The following LONRF1 variants were observed in gnomAD, a reference collection of about 807,000 sequenced individuals.
LONRF1 encodes the protein LON peptidase N-terminal domain and ring finger 1.
In LONRF1, 37 loss-of-function variants were observed where a neutral mutation model predicts 85.8. That is an observed-to-expected ratio of 0.43 (90% confidence interval 0.33 to 0.57). The LOEUF is 0.57. LONRF1 is among the 20% of genes least tolerant of loss of function. The pLI, the probability that LONRF1 is intolerant of heterozygous loss-of-function variation, is 0.04. For missense variants in LONRF1, 1,036 were observed against 978.0 expected (o/e 1.06, Z -0.79); for synonymous variants, 517 against 390.1 (o/e 1.33, Z -3.83).
At chr8:12,725,649 T>G in intron 11 of LONRF1, 78 bp downstream of exon 11, 358 of 1,414,594 alleles carry the variant, frequency 2.5e-4, no homozygotes, top group Non-Finnish European at 2.8e-4. Flanking sequence ...GAAAGGACAA[T>G]GAGAAAACAA....
At chr8:12,747,889 C>T (rs761450633) in intron 1 of LONRF1, among the ~76,000 whole-genome samples, 2 of 152,072 alleles carry the variant, frequency 1.3e-5, no homozygotes, top group Non-Finnish European at 2.9e-5. Flanking sequence ...GCAGGTCAGT[C>T]TAAAACAAAC....
chr8:12,745,321 GAAAAAAAAA>G (rs36196945), intron 1 of LONRF1, among the ~76,000 whole-genome samples: 3 of 122,334 alleles, frequency 2.5e-5, no homozygotes, highest in East Asian at 4.8e-4. Context: ...TATTTTTTTG[GAAAAAAAAA>G]AAAAAAAAAA....
chr8:12,724,937 T>C (rs1053217527), intron 11 of LONRF1, among the ~76,000 whole-genome samples: 1 of 152,232 alleles, frequency 6.6e-6, no homozygotes, highest in Non-Finnish European at 1.5e-5. Context: ...GCAGTGTGCA[T>C]TACAATGAGA....
intron 1 of LONRF1, among the ~76,000 whole-genome samples, chr8:12,751,222 G>A (rs376582783): frequency 6.6e-6 from 1 of 150,528 alleles, no homozygotes; most frequent in Non-Finnish European, 1.5e-5. Context: ...AATTCTCTGT[G>A]AAGATCAAAT....
At chr8:12,725,958 A>G in intron 10 of LONRF1, 79 bp from the exon 11 acceptor site, 1 of 1,370,914 alleles carries the variant, frequency 7.3e-7, no homozygotes, top group Non-Finnish European at 1.0e-6. Context: ...ACAAATGGAA[A>G]AAGGGATCAG....
At chr8:12,748,154 CT>C (rs1447166229) in intron 1 of LONRF1, among the ~76,000 whole-genome samples, 8 of 152,142 alleles carry the variant, frequency 5.3e-5, no homozygotes, top group Non-Finnish European at 1.2e-4. Flanking sequence ...ACCTGCTTGC[CT>C]TTTTAGTTAT....
At chr8:12,725,941 A>G in intron 10 of LONRF1, 62 bp from the exon 11 acceptor site, 1 of 1,483,440 alleles carries the variant, frequency 6.7e-7, no homozygotes, top group Non-Finnish European at 9.2e-7. Context: ...GCCATATGCC[A>G]ACCGACACAA....
In LONRF1 at chr8:12,728,906, C is replaced by T. The variant is rs547604080; in HGVS notation, c.2005G>A (p.Val669Ile). The T allele has an allele frequency of 3.7e-6, 6 of 1,613,840 alleles. No homozygotes were observed. Among genetic ancestry groups the T allele is most frequent in the Admixed American group, 1.7e-5 (1 of 60,022 alleles). Residue 669 changes from valine (V) to isoleucine (I), a missense_variant, in exon 10 of 12, where the codon GTT becomes ATT. Val to Ile is a conservative substitution (Grantham distance 29). Coordinates refer to ENST00000398246, the MANE Select transcript of LONRF1 (RefSeq NM_152271.5). ...CAAAGCACATTTTAAAATACCTTAA[C>T]ATCTTCCAGATATTCAATGTCGGCA... ...CTADIEYLED[V>I]KVENEDEIKN...
rs760421347 is a variant in LONRF1 at position 12,741,011 on chromosome 8, G to T, written c.841-15C>A. On this transcript the variant is annotated splice_polypyrimidine_tract_variant and intron_variant, in intron 2 of 11. Coordinates refer to ENST00000398246, the MANE Select transcript of LONRF1 (RefSeq NM_152271.5). Reference sequence around the variant, plus strand: ...CTGAAGTAGACCTTTAATAAAAGCAGATATATAAAACCTTTGTGTTAAGAA... The same window carrying T: ...CTGAAGTAGACCTTTAATAAAAGCATATATATAAAACCTTTGTGTTAAGAA... 9 of 1,609,878 alleles carry T rather than the reference G, an allele frequency of 5.6e-6. No homozygotes were observed. The highest frequency in any genetic ancestry group is 7.6e-6 in the Non-Finnish European group (9 of 1,178,268).
intron 2 of LONRF1, among the ~76,000 whole-genome samples, chr8:12,741,493 G>A (rs1260762525): frequency 2.0e-5 from 3 of 152,148 alleles, no homozygotes; most frequent in Non-Finnish European, 4.4e-5. Flanking sequence ...CAGGGGAACT[G>A]AGGCCCAGAC....
At position 12,728,821 on chromosome 8, in the gene LONRF1, T is replaced by C. The variant is rs549639040; in HGVS notation, c.2010+80A>G. The C allele has an allele frequency of 5.9e-5, 89 of 1,515,952 alleles. 1 individual carries two copies. In the Middle Eastern group the frequency reaches 7.0e-4, roughly 12 times the overall value. 93.9% of individuals were successfully genotyped at this position (1,515,952 alleles called of 1,614,324 possible). Reference sequence around the variant, plus strand: ...TCTGATAAGAACTGGTTCATGCACCTAGAAAATAGCCTGCATGCCTGTACC... The same window carrying C: ...TCTGATAAGAACTGGTTCATGCACCCAGAAAATAGCCTGCATGCCTGTACC... On this transcript the variant is annotated intron_variant, in intron 10 of 11. Transcript: ENST00000398246.
rs535087407 is a variant in LONRF1 at position 12,731,644 on chromosome 8, A to G, written c.1688+92T>C. ...ACCAATACTTCTTGACTAGACTGAG[A>G]TGAACTAAAGACAGGATCCAGCTTG... On this transcript the variant is annotated intron_variant, in intron 8 of 11. Coordinates refer to ENST00000398246, the MANE Select transcript of LONRF1 (RefSeq NM_152271.5). 2.8e-6 allele frequency: 3 copies of G among 1,073,990 alleles called. No homozygotes were observed. The East Asian group carries it at 7.4e-5, about 26-fold the overall frequency. 66.5% of individuals were successfully genotyped at this position (1,073,990 alleles called of 1,614,324 possible). A position where few individuals can be genotyped will look rare whatever the true frequency, so the allele number is the denominator to read the frequency against.
intron 1 of LONRF1, among the ~76,000 whole-genome samples, chr8:12,751,210 A>G (rs892576251): frequency 2.0e-5 from 3 of 152,038 alleles, no homozygotes; most frequent in Non-Finnish European, 4.4e-5. Context: ...AGTACTCCAT[A>G]GAATTCTCTG....
Position 12,726,637 on chromosome 8 carries a change from T to C in LONRF1, c.2011-758A>G, listed in dbSNP as rs1798318181. ...TAAGTTTAACTCATCCATCTTATAC[T>C]GATTTCTTTAATGCACACTTACATC... On this transcript the variant is annotated intron_variant, in intron 10 of 11. Transcript: ENST00000398246. 2.0e-5 allele frequency among the ~76,000 whole-genome samples: 3 copies of C among 152,260 alleles called. No individual in the cohort carries two copies. The South Asian group carries it at 6.2e-4, about 31-fold the overall frequency.
intron 1 of LONRF1, among the ~76,000 whole-genome samples, chr8:12,744,179 G>A (rs1449526561): frequency 2.0e-5 from 3 of 152,208 alleles, no homozygotes; most frequent in Non-Finnish European, 2.9e-5. Flanking sequence ...AGACCTTAAT[G>A]CCTCTAAATA....
intron 1 of LONRF1, 148 bp downstream of exon 1, chr8:12,754,552 C>A: frequency 1.0e-6 from 1 of 954,806 alleles, no homozygotes; most frequent in South Asian, 4.8e-5. Flanking sequence ...CCCACACCCC[C>A]CAGCACCCCG....
intron 7 of LONRF1, among the ~76,000 whole-genome samples, chr8:12,733,200 A>C (rs1262367711): frequency 2.0e-5 from 3 of 152,204 alleles, no homozygotes; most frequent in Non-Finnish European, 4.4e-5. Flanking sequence ...ATAAGTGTTT[A>C]TCACAAAATT....
rs988654549 is a variant in LONRF1 at position 12,755,096 on chromosome 8, G to T, written c.325C>A (p.Pro109Thr). ...LRHGLGWSAA[P>T]VAGADGGAGG... is the part of the protein sequence containing the mutation. Reference sequence around the variant, plus strand: ...GCGCCGCCGTCAGCGCCTGCAACCGGGGCCGCGCTCCAGCCCAGCCCGTGG... The same window carrying T: ...GCGCCGCCGTCAGCGCCTGCAACCGTGGCCGCGCTCCAGCCCAGCCCGTGG... Residue 109 changes from proline (P) to threonine (T), a missense_variant, in exon 1 of 12, where the codon CCG becomes ACG. Around this residue, in one of 3 missense-constraint regions of LONRF1, gnomAD observed 742 missense variants for 614.4 expected, o/e 1.21. Transcript: ENST00000398246. 8.2e-6 allele frequency: 12 copies of T among 1,470,868 alleles called. No individual in the cohort carries two copies. The highest frequency in any genetic ancestry group is 1.1e-5 in the Non-Finnish European group (12 of 1,116,524). 91.1% of individuals were successfully genotyped at this position (1,470,868 alleles called of 1,614,324 possible).
chr8:12,725,140 A>C (rs1251157332), intron 11 of LONRF1, among the ~76,000 whole-genome samples: 1 of 152,224 alleles, frequency 6.6e-6, no homozygotes, highest in Non-Finnish European at 1.5e-5. Context: ...GCTTGCACAG[A>C]AAGTGCCAGA....
Sources: gnomAD v4.1 joint callset for allele counts (sites outside exome capture counted in the v4.1 genomes callset) on GRCh38, gnomAD v4.1.1 for gene constraint, gnomAD v4.1.1 regional missense constraint, MANE v1.5 for transcripts, NCBI Gene and HGNC (gene_info 2026-07-23, HGNC 2026-07-21) for gene names.